The following PCSK5 variants were observed in gnomAD, a reference collection of about 807,000 sequenced individuals.
PCSK5 encodes proprotein convertase subtilisin/kexin type 5.
A neutral mutation model predicts 233.2 loss-of-function variants in PCSK5; 129 were observed. The observed-to-expected ratio is 0.55, with a 90% CI of 0.48 to 0.64. The LOEUF is 0.64. Among genes scored for constraint, PCSK5 ranks in the 30% least tolerant of loss-of-function variants. The pLI is 0.00. For missense variants in PCSK5, 2,076 were observed against 2,430.1 expected (o/e 0.85, Z 3.06); for synonymous variants, 825 against 879.2 (o/e 0.94, Z 1.09).
chr9:76,332,076 G>A (rs1225768647), intron 33 of PCSK5, among the ~76,000 whole-genome samples: 1 of 152,146 alleles, frequency 6.6e-6, no homozygotes, highest in African/African-American at 2.4e-5. Context: ...ATCCACAGGC[G>A]CCGGACTGTA....
rs191255476 is a variant in PCSK5 at position 76,299,756 on chromosome 9, C to A, written c.3524-2381C>A. 2.0e-3 allele frequency among the ~76,000 whole-genome samples: 258 copies of A among 129,950 alleles called. 2 individuals carry two copies. In the East Asian group the frequency reaches 0.024, roughly 12 times the overall value. 85.3% of individuals were successfully genotyped at this position (129,950 alleles called of 152,430 possible). On this transcript the variant is annotated intron_variant, in intron 27 of 37. Coordinates refer to ENST00000674117, the MANE Select transcript of PCSK5 (RefSeq NM_001372043.1). ...CTTCAGCAGTGACTCAAGCATCACA[C>A]AACCTTGGTGGAAAGGTTCAGGTAT...
intron 2 of PCSK5, among the ~76,000 whole-genome samples, chr9:75,955,683 AAAATT>A (rs759595048): frequency 2.0e-5 from 3 of 152,044 alleles, no homozygotes; most frequent in Non-Finnish European, 1.5e-5. Flanking sequence ...CTTGAGGAGA[AAAATT>A]AAATTAAATT....
chr9:76,343,945 T>TA (rs34043314), intron 35 of PCSK5, among the ~76,000 whole-genome samples: 55 of 150,150 alleles, frequency 3.7e-4, no homozygotes, highest in Admixed American at 1.0e-3. Flanking sequence ...TAGTCATGTT[T>TA]AAAAAAAAAA....
At chr9:75,928,606 T>TATAC (rs1211751138) in intron 1 of PCSK5, among the ~76,000 whole-genome samples, 1 of 100,816 alleles carries the variant, frequency 9.9e-6, no homozygotes, top group Non-Finnish European at 1.9e-5. Flanking sequence ...CATATATATA[T>TATAC]ATATATATAT....
At chr9:76,016,810 C>G (rs1827966555) in intron 3 of PCSK5, among the ~76,000 whole-genome samples, 1 of 152,140 alleles carries the variant, frequency 6.6e-6, no homozygotes, top group South Asian at 2.1e-4. Flanking sequence ...CTTAACTAAA[C>G]CTAAAGACCA....
intron 5 of PCSK5, among the ~76,000 whole-genome samples, chr9:76,027,370 C>T (rs1052990944): frequency 1.3e-5 from 2 of 151,998 alleles, no homozygotes; most frequent in Non-Finnish European, 1.5e-5. Context: ...CAAAGTGCCT[C>T]CCAAAAGAAT....
chr9:76,044,032 A>T (rs977703479), intron 5 of PCSK5, among the ~76,000 whole-genome samples: 8 of 152,306 alleles, frequency 5.3e-5, no homozygotes, highest in African/African-American at 1.9e-4. Context: ...TGGCTTGAAA[A>T]ATGTTACCAA....
chr9:76,252,514 T>C (rs974118238), intron 24 of PCSK5, among the ~76,000 whole-genome samples: 1 of 152,174 alleles, frequency 6.6e-6, no homozygotes, highest in Non-Finnish European at 1.5e-5. Flanking sequence ...GGTTCTGAGA[T>C]GGGATTGAGC....
At chr9:75,906,137 G>A (rs1826254714) in intron 1 of PCSK5, among the ~76,000 whole-genome samples, 1 of 152,188 alleles carries the variant, frequency 6.6e-6, no homozygotes. Context: ...ATGTTGGAAA[G>A]CAACATGTTA....
chr9:76,216,358 G>C (rs1025123968), intron 20 of PCSK5, among the ~76,000 whole-genome samples: 5 of 152,150 alleles, frequency 3.3e-5, no homozygotes, highest in Non-Finnish European at 7.3e-5. Flanking sequence ...GTTTTGATGA[G>C]TCAAGCATCC....
At chr9:75,895,692 A>G (rs967712911) in intron 1 of PCSK5, among the ~76,000 whole-genome samples, 7 of 152,224 alleles carry the variant, frequency 4.6e-5, no homozygotes, top group African/African-American at 1.7e-4. Flanking sequence ...AGGAAAAATA[A>G]CCTGAAAAAT....
At chr9:76,308,927 C>T (rs796633458) in intron 29 of PCSK5, among the ~76,000 whole-genome samples, 199 bp downstream of exon 29, 1 of 152,082 alleles carries the variant, frequency 6.6e-6, no homozygotes, top group South Asian at 2.1e-4. Flanking sequence ...AAGGACAATA[C>T]AAAGAAGTGG....
chr9:76,109,672 A>G (rs553286550), intron 9 of PCSK5, among the ~76,000 whole-genome samples: 17 of 151,976 alleles, frequency 1.1e-4, no homozygotes, highest in African/African-American at 4.1e-4. Context: ...TGGAAAATGC[A>G]CTGTGTTTTA....
intron 5 of PCSK5, among the ~76,000 whole-genome samples, chr9:76,029,570 C>T (rs986463178): frequency 4.6e-5 from 7 of 152,102 alleles, no homozygotes; most frequent in African/African-American, 1.4e-4. Context: ...TTATTTTTTA[C>T]GTAGGCTTTT....
In PCSK5 at chr9:75,932,379, A is replaced by G; in HGVS notation, c.193A>G (p.Ile65Val). 6.3e-7 allele frequency: 1 copy of G among 1,586,654 alleles called. No individual in the cohort carries two copies. The highest frequency in any genetic ancestry group is 8.6e-7 in the Non-Finnish European group (1 of 1,156,188). Reference sequence around the variant, plus strand: ...TTTCCTTCCCACCCTTCCTTTGCAGATAGGGGCCCTGAAGGACTACTACCA... The same window carrying G: ...TTTCCTTCCCACCCTTCCTTTGCAGGTAGGGGCCCTGAAGGACTACTACCA... The part of the protein sequence containing the change: ...SKYGFINIGQ[I>V]GALKDYYHFY... The change falls in exon 2 of 38, where the codon ATA becomes GTA. Residue 65 changes from isoleucine to valine, a missense_variant and splice_region_variant. Physicochemically the swap from Ile to Val is conservative, Grantham distance 29. Around this residue, in one of 6 missense-constraint regions of PCSK5, gnomAD observed 190 missense variants for 216.3 expected, o/e 0.88. Transcript: ENST00000674117.
At chr9:76,247,985 C>T (rs1217436300) in intron 24 of PCSK5, among the ~76,000 whole-genome samples, 1 of 152,158 alleles carries the variant, frequency 6.6e-6, no homozygotes, top group Non-Finnish European at 1.5e-5. Flanking sequence ...GGAGTTTCAC[C>T]ATGTTGGCCA....
intron 2 of PCSK5, among the ~76,000 whole-genome samples, chr9:75,953,050 T>C (rs1204447076): frequency 6.6e-6 from 1 of 152,198 alleles, no homozygotes; most frequent in Non-Finnish European, 1.5e-5. Context: ...TGACAATATA[T>C]ATTACGTTAC....
intron 24 of PCSK5, among the ~76,000 whole-genome samples, chr9:76,279,650 T>C (rs1009215841): frequency 1.3e-5 from 2 of 151,998 alleles, no homozygotes; most frequent in African/African-American, 4.8e-5. Context: ...GATTTGCATT[T>C]CTCTGATGGC....
intron 10 of PCSK5, among the ~76,000 whole-genome samples, chr9:76,141,855 A>G (rs1343701896): frequency 6.6e-6 from 1 of 152,126 alleles, no homozygotes; most frequent in Non-Finnish European, 1.5e-5. Flanking sequence ...GGAGGCCATT[A>G]TCCTTAGCAA....
Sources: gnomAD v4.1 joint callset for allele counts (sites outside exome capture counted in the v4.1 genomes callset) on GRCh38, gnomAD v4.1.1 for gene constraint, gnomAD v4.1.1 regional missense constraint, MANE v1.5 for transcripts, NCBI Gene and HGNC (gene_info 2026-07-23, HGNC 2026-07-21) for gene names.